The following EMILIN3 variants were observed in gnomAD, a reference collection of about 807,000 sequenced individuals.
EMILIN3 encodes the protein EMILIN-3.
In EMILIN3, 38 loss-of-function variants were observed where a neutral mutation model predicts 42.8. That is an observed-to-expected ratio of 0.89 (90% CI 0.69 to 1.16). The LOEUF (loss-of-function observed/expected upper bound fraction) is 1.16. EMILIN3 is among the 50% of genes most tolerant of loss of function. EMILIN3 has a pLI of 0.00. For synonymous variants in EMILIN3, 430 were observed against 440.5 expected, an observed-to-expected ratio of 0.98 and a Z score of 0.30; for missense variants, 924 against 999.5, an observed-to-expected ratio of 0.92 and a Z score of 1.02.
At position 41,361,359 on chromosome 20, in the gene EMILIN3, T is replaced by C; in HGVS notation, c.2210A>G (p.Gln737Arg). The stretch of plus-strand genomic sequence containing the variant: ...GAGGCGGGCAATGTCCTGCGTGTGC[T>C]GGGCCAGCGTACGATTCAGCTGGTC... Reference protein sequence around the residue: ...HVDQLNRTLAQHTQDIARLRD... With the variant: ...HVDQLNRTLARHTQDIARLRD... The change falls in exon 4 of 4, where the codon CAG becomes CGG. Residue 737 changes from glutamine (Q) to arginine (R), a missense_variant. Physicochemically the swap from Gln to Arg is conservative, Grantham distance 43. Coordinates refer to ENST00000332312, the MANE Select transcript of EMILIN3 (RefSeq NM_052846.2). 1 of 1,612,998 alleles carries C rather than the reference T, an allele frequency of 6.2e-7. No individual in the cohort carries two copies. Among genetic ancestry groups the C allele is most frequent in the Non-Finnish European group, 8.5e-7 (1 of 1,179,486 alleles).
chr20:41,364,701 C>T (rs77201844), intron 2 of EMILIN3, among the ~76,000 whole-genome samples: 10,420 of 152,260 alleles, frequency 0.068, 592 homozygotes, highest in East Asian at 0.29. Flanking sequence ...TCTGCTCCCT[C>T]CTCTCCCCTC....
rs747707503 is a variant in EMILIN3, at chr20:41,361,311, T to TG, written c.2257dup (p.Gln753ProfsTer6). ...CCGCACCTGCTCAGCCAGCTGGGCC[T>TG]GGCAGTCCAGTAGGTCATCCCGGAG... On this transcript the variant is annotated frameshift_variant, in exon 4 of 4. Transcript: ENST00000332312. LOFTEE classifies it high-confidence loss of function. 16 of 1,604,024 alleles carry TG rather than the reference T, an allele frequency of 1.0e-5. No homozygotes were observed. The highest frequency in any genetic ancestry group is 3.4e-6 in the Non-Finnish European group (4 of 1,172,694).
Position 41,362,414 on chromosome 20 carries a change from A to C in EMILIN3, c.1155T>G (p.Cys385Trp), listed in dbSNP as rs2046368953. ...GLSVSGRGSC[C>W]GQLALINARM... ...GGGCATTGATCAAGGCTAGTTGCCC[A>C]CAGCAGCTGCCCCTGCCAGACACGC... Residue 385 changes from cysteine to tryptophan, a missense_variant, in exon 4 of 4, where the codon TGT becomes TGG. Coordinates refer to ENST00000332312, the MANE Select transcript of EMILIN3 (RefSeq NM_052846.2). 5.0e-6 allele frequency: 8 copies of C among 1,601,812 alleles called. No individual in the cohort carries two copies. In the East Asian group the frequency reaches 1.8e-4, roughly 36 times the overall value.
Position 41,363,577 on chromosome 20 carries a change from G to T in EMILIN3, c.514+61C>A. 4.7e-6 allele frequency: 7 copies of T among 1,492,216 alleles called. No individual in the cohort carries two copies. The South Asian group carries it at 8.8e-5, about 19-fold the overall frequency. 92.4% of individuals were successfully genotyped at this position (1,492,216 alleles called of 1,614,324 possible). ...CCAGCCTGGGATCAGTCCCCTCCCT[G>T]CCCCTGCCACTGAGCCCAAGAAACC... is the stretch of plus-strand genomic sequence containing the variant. On this transcript the variant is annotated intron_variant, in intron 3 of 3. Transcript: ENST00000332312.
At position 41,362,972 on chromosome 20, in the gene EMILIN3, G is replaced by T; in HGVS notation, c.597C>A (p.Thr199=). 1.2e-6 allele frequency: 2 copies of T among 1,612,914 alleles called. No individual in the cohort carries two copies. The highest frequency in any genetic ancestry group is 1.1e-5 in the South Asian group (1 of 91,064). ...CGTGGCTAGCCACCAGGCCACTGAG[G>T]GTACCATATGTTTGAGCCAGGCGCT... ...DVQRLAQTYG[T]LSGLVASHED... Residue 199 remains threonine, a synonymous_variant, in exon 4 of 4, where the codon ACC becomes ACA. Transcript: ENST00000332312.
chr20:41,361,289 C>T lies in EMILIN3; in HGVS notation c.2280G>A (p.Val760=), dbSNP rs1343418886. 6.3e-7 allele frequency: 1 copy of T among 1,595,332 alleles called. No individual in the cohort carries two copies. Among genetic ancestry groups the T allele is most frequent in the Non-Finnish European group, 8.6e-7 (1 of 1,166,426 alleles). ...LDCQAQLAEQ[V]RPGQAN is the part of the protein sequence containing the mutation. Reference sequence around the variant, plus strand: ...CTGTCTAGTTGGCTTGCCCTGGCCGCACCTGCTCAGCCAGCTGGGCCTGGC... The same window carrying T: ...CTGTCTAGTTGGCTTGCCCTGGCCGTACCTGCTCAGCCAGCTGGGCCTGGC... Residue 760 remains valine (V), a synonymous_variant, in exon 4 of 4, where the codon GTG becomes GTA. Coordinates refer to ENST00000332312, the MANE Select transcript of EMILIN3 (RefSeq NM_052846.2).
chr20:41,366,576 G>GC lies in EMILIN3; in HGVS notation c.58dup (p.Ala20GlyfsTer63). The GC allele has an allele frequency of 1.8e-6, 2 of 1,117,504 alleles. No individual in the cohort carries two copies. The highest frequency in any genetic ancestry group is 8.4e-5 in the South Asian group (2 of 23,696). 69.2% of individuals were successfully genotyped at this position (1,117,504 alleles called of 1,614,324 possible). On this transcript the variant is annotated frameshift_variant, in exon 1 of 4. Coordinates refer to ENST00000332312, the MANE Select transcript of EMILIN3 (RefSeq NM_052846.2). LOFTEE classifies it high-confidence loss of function. This position sits in a 1 kb window ranked among gnomAD's most constrained non-coding sequence, Gnocchi z 4.2. ...CAGGAGCGGGGTGCCCCTGGCCTGC[G>GC]CCCCCGAGAGCAGCGCCGCGACGGC...
Position 41,362,085 on chromosome 20 carries a change from G to C in EMILIN3, c.1484C>G (p.Pro495Arg), listed in dbSNP as rs755191470. Reference sequence around the variant, plus strand: ...TACAAGGGGCCGAGCTGACCTGCCCGGAGAGGCGCTGTCATGGCTTAGCTC... The same window carrying C: ...TACAAGGGGCCGAGCTGACCTGCCCCGAGAGGCGCTGTCATGGCTTAGCTC... ...AGELSHDSAS[P>R]GRSARPLVQT... is the part of the protein sequence containing the mutation. Residue 495 changes from proline to arginine, a missense_variant, in exon 4 of 4, where the codon CCG becomes CGG. Pro to Arg is a moderately radical substitution (Grantham distance 103). Transcript: ENST00000332312. 2.5e-6 allele frequency: 4 copies of C among 1,606,856 alleles called. No individual in the cohort carries two copies. The highest frequency in any genetic ancestry group is 3.4e-6 in the Non-Finnish European group (4 of 1,174,392).
rs1370612830 is a variant in EMILIN3 at position 41,360,238 on chromosome 20, T to C, written c.*1030A>G. 6.6e-6 allele frequency: 1 copy of C among 152,484 alleles called. No individual in the cohort carries two copies. 9.4% of individuals were successfully genotyped at this position (152,484 alleles called of 1,614,324 possible). A position where few individuals can be genotyped will look rare whatever the true frequency, so the allele number is the denominator to read the frequency against. On this transcript the variant is annotated 3_prime_UTR_variant, in exon 4 of 4. Coordinates refer to ENST00000332312, the MANE Select transcript of EMILIN3 (RefSeq NM_052846.2). ...CTGAATTTCTCACCTTTTGTGAACA[T>C]CTTGGGAGGGTGGGGGTTTTGCAGG...
rs1167331452 is a variant in EMILIN3, at chr20:41,360,975, T to C, written c.*293A>G. ...GCCAGCCATGCTCAGGCCCTGCAGC[T>C]GGCTGTCCAGACACTGATTTGCTGA... is the stretch of plus-strand genomic sequence containing the variant. On this transcript the variant is annotated 3_prime_UTR_variant, in exon 4 of 4. Transcript: ENST00000332312. 4.8e-5 allele frequency: 21 copies of C among 439,266 alleles called. No individual in the cohort carries two copies. The highest frequency in any genetic ancestry group is 6.9e-5 in the Non-Finnish European group (17 of 245,716). The allele number at this position is 439,266 out of a possible 1,614,324, so 27.2% of individuals were successfully genotyped here. A position where few individuals can be genotyped will look rare whatever the true frequency, so the allele number is the denominator to read the frequency against.
rs750921647 is a variant in EMILIN3, at chr20:41,365,018, G to T, written c.290+17C>A. 2 of 1,613,336 alleles carry T rather than the reference G, an allele frequency of 1.2e-6. No homozygotes were observed. Among genetic ancestry groups the T allele is most frequent in the Non-Finnish European group, 1.7e-6 (2 of 1,179,590 alleles). ...GTGCCAGGGGATTCCAAGTGTGTAG[G>T]TGAGGAGTGCACTTACGTGACTGTC... On this transcript the variant is annotated intron_variant, in intron 2 of 3. Transcript: ENST00000332312.
Position 41,365,151 on chromosome 20 carries a change from G to A in EMILIN3, c.174C>T (p.Leu58=), listed in dbSNP as rs116773493. 202 of 1,613,760 alleles carry A rather than the reference G, an allele frequency of 1.3e-4. No homozygotes were observed. In the African/African-American group the frequency reaches 2.5e-3, roughly 20 times the overall value. The change falls in exon 2 of 4, where the codon CTC becomes CTT. Residue 58 remains leucine, a synonymous_variant. Transcript: ENST00000332312. ...PRLRPGPHKA[L]CAYVVHRNVT... is the part of the protein sequence containing the mutation. ...CATTCCTGTGCACCACATAGGCACA[G>A]AGGGCCCTACAGGAGAAAATGGCAC... is the stretch of plus-strand genomic sequence containing the variant.
chr20:41,361,693 C>G lies in EMILIN3; in HGVS notation c.1876G>C (p.Val626Leu). ...TGGATGGCCTGGACTTCGGCTTCCA[C>G]CTTGCGTTCCCGCTCATCCAGGGAC... ...NTSLDERERK[V>L]EAEVQAIQEQ... is the part of the protein sequence containing the mutation. The change falls in exon 4 of 4, where the codon GTG becomes CTG. Residue 626 changes from valine (V) to leucine (L), a missense_variant. Val to Leu is a conservative substitution (Grantham distance 32). Coordinates refer to ENST00000332312, the MANE Select transcript of EMILIN3 (RefSeq NM_052846.2). 6.2e-7 allele frequency: 1 copy of G among 1,609,310 alleles called. No homozygotes were observed. Among genetic ancestry groups the G allele is most frequent in the South Asian group, 1.1e-5 (1 of 90,860 alleles).
chr20:41,361,158 C>T lies in EMILIN3; in HGVS notation c.*110G>A. 1.8e-6 allele frequency: 2 copies of T among 1,111,364 alleles called. No homozygotes were observed. Among genetic ancestry groups the T allele is most frequent in the Non-Finnish European group, 2.5e-6 (2 of 799,942 alleles). The allele number at this position is 1,111,364 out of a possible 1,614,324, so 68.8% of individuals were successfully genotyped here. A position where few individuals can be genotyped will look rare whatever the true frequency, so the allele number is the denominator to read the frequency against. On this transcript the variant is annotated 3_prime_UTR_variant, in exon 4 of 4. Coordinates refer to ENST00000332312, the MANE Select transcript of EMILIN3 (RefSeq NM_052846.2). Reference sequence around the variant, plus strand: ...GATTCCCTCAGTGGCCTCCTTAGTGCCATTTGGGCTAGCCAGGGAAGGCTG... The same window carrying T: ...GATTCCCTCAGTGGCCTCCTTAGTGTCATTTGGGCTAGCCAGGGAAGGCTG...
Position 41,366,772 on chromosome 20 carries a change from G to C in EMILIN3, c.-138C>G. 2.1e-6 allele frequency: 1 copy of C among 476,362 alleles called. No individual in the cohort carries two copies. The highest frequency in any genetic ancestry group is 2.7e-6 in the Non-Finnish European group (1 of 365,224). The allele number at this position is 476,362 out of a possible 1,614,324, so 29.5% of individuals were successfully genotyped here. On this transcript the variant is annotated 5_prime_UTR_variant, in exon 1 of 4. Coordinates refer to ENST00000332312, the MANE Select transcript of EMILIN3 (RefSeq NM_052846.2). The surrounding 1 kb of genome is among the most constrained non-coding windows in gnomAD (Gnocchi z 4.2). ...GGGGTCCCCTTCGGCCCCCGAGCTC[G>C]CTGGCCCGGCCGCCTGGCGCTTCGC... is the stretch of plus-strand genomic sequence containing the variant.
chr20:41,361,928 G>A lies in EMILIN3; in HGVS notation c.1641C>T (p.Leu547=). 1.9e-6 allele frequency: 3 copies of A among 1,613,020 alleles called. No homozygotes were observed. The highest frequency in any genetic ancestry group is 2.5e-6 in the Non-Finnish European group (3 of 1,179,894). The change falls in exon 4 of 4, where the codon CTC becomes CTT. Residue 547 remains leucine (L), a synonymous_variant. Coordinates refer to ENST00000332312, the MANE Select transcript of EMILIN3 (RefSeq NM_052846.2). ...CTGCGTGGCTGGCCACCTGGCGTAG[G>A]AGGGCCTCGCTCCGGCTCTGCCAGG... ...VKAWQSRSEA[L]LRQVASHAAL... is the part of the protein sequence containing the mutation.
Position 41,363,849 on chromosome 20 carries a change from T to C in EMILIN3, c.303A>G (p.Val101=). The C allele has an allele frequency of 1.2e-6, 2 of 1,613,642 alleles. No individual in the cohort carries two copies. Among genetic ancestry groups the C allele is most frequent in the Non-Finnish European group, 1.7e-6 (2 of 1,179,664 alleles). ...KCPGTVTYRT[V]LRPKYKVGYK... The stretch of plus-strand genomic sequence containing the variant: ...AGCCAACCTTGTATTTGGGTCTGAG[T>C]ACTGTGCGGTACCTGGGCCAGGGAG... Residue 101 remains valine, a synonymous_variant, in exon 3 of 4, where the codon GTA becomes GTG. Coordinates refer to ENST00000332312, the MANE Select transcript of EMILIN3 (RefSeq NM_052846.2).
chr20:41,361,940 C>G lies in EMILIN3; in HGVS notation c.1629G>C (p.Arg543=), dbSNP rs151073469. The G allele has an allele frequency of 4.3e-6, 7 of 1,612,660 alleles. No homozygotes were observed. Among genetic ancestry groups the G allele is most frequent in the Non-Finnish European group, 5.1e-6 (6 of 1,179,710 alleles). ...CCACCTGGCGTAGGAGGGCCTCGCTCCGGCTCTGCCAGGCCTTCACCTCTG... is the reference window on the plus strand; with the variant it reads ...CCACCTGGCGTAGGAGGGCCTCGCTGCGGCTCTGCCAGGCCTTCACCTCTG... ...LVAEVKAWQS[R]SEALLRQVAS... The change falls in exon 4 of 4, where the codon CGG becomes CGC. Residue 543 remains arginine, a synonymous_variant. Coordinates refer to ENST00000332312, the MANE Select transcript of EMILIN3 (RefSeq NM_052846.2).
At position 41,361,382 on chromosome 20, in the gene EMILIN3, G is replaced by C. The variant is rs1296539807; in HGVS notation, c.2187C>G (p.Asp729Glu). 4 of 1,613,182 alleles carry C rather than the reference G, an allele frequency of 2.5e-6. No individual in the cohort carries two copies. The South Asian group carries it at 3.3e-5, about 13-fold the overall frequency. Reference protein sequence around the residue: ...RPREGLWSHVDQLNRTLAQHT... With the variant: ...RPREGLWSHVEQLNRTLAQHT... ...GCTGGGCCAGCGTACGATTCAGCTG[G>C]TCCACATGGCTCCACAGGCCCTCTC... is the stretch of plus-strand genomic sequence containing the variant. Residue 729 changes from aspartate to glutamate, a missense_variant, in exon 4 of 4, where the codon GAC (aspartate) becomes GAG (glutamate). Asp to Glu is a conservative substitution (Grantham distance 45). Coordinates refer to ENST00000332312, the MANE Select transcript of EMILIN3 (RefSeq NM_052846.2).
Sources: gnomAD v4.1 joint callset for allele counts (sites outside exome capture counted in the v4.1 genomes callset) on GRCh38, gnomAD v4.1.1 for gene constraint, Gnocchi (gnomAD v3.1) non-coding constraint, MANE v1.5 for transcripts, NCBI Gene and HGNC (gene_info 2026-07-23, HGNC 2026-07-21) for gene names.